The following FBXO33 variants were observed in gnomAD, a reference collection of about 807,000 sequenced individuals.
The protein encoded by FBXO33 is F-box only protein 33.
FBXO33 carries 22 observed loss-of-function variants against 46.3 expected under a neutral mutation model. The ratio of observed to expected loss-of-function variants is 0.48; its 90% CI spans 0.34 to 0.68. FBXO33 has a LOEUF of 0.68. Ranked by LOEUF, FBXO33 falls within the 30% of genes least tolerant of loss-of-function variation. The probability of loss-of-function intolerance (pLI) is 0.01; values close to 1 mark genes in which losing one functional copy is unlikely to be tolerated. For synonymous variants in FBXO33, 337 were observed against 291.3 expected (o/e 1.16, Z -1.60); for missense variants, 692 against 708.8 (o/e 0.98, Z 0.27).
In FBXO33 at chr14:39,432,235, G is replaced by A. The variant is rs1488944590; in HGVS notation, c.-73C>T. ...CCAAGTAGAACACAAGTTGTGGAGAGGGGGAAAGGCCTCTGCGGGCGTGGC... is the reference window on the plus strand; with the variant it reads ...CCAAGTAGAACACAAGTTGTGGAGAAGGGGAAAGGCCTCTGCGGGCGTGGC... On this transcript the variant is annotated 5_prime_UTR_variant, in exon 1 of 4. Transcript: ENST00000298097. 13 of 1,143,234 alleles carry A rather than the reference G, an allele frequency of 1.1e-5. No individual in the cohort carries two copies. Among genetic ancestry groups the A allele is most frequent in the African/African-American group, 1.6e-5 (1 of 61,294 alleles). The allele number at this position is 1,143,234 out of a possible 1,614,324, so 70.8% of individuals were successfully genotyped here.
At chr14:39,405,333 A>C (rs919985765) in intron 1 of FBXO33, among the ~76,000 whole-genome samples, 1 of 152,198 alleles carries the variant, frequency 6.6e-6, no homozygotes, top group African/African-American at 2.4e-5. Flanking sequence ...CTCAAGCTAC[A>C]TATCAGAGGT....
In FBXO33 at chr14:39,398,645, T is replaced by C. The variant is rs1399687584; in HGVS notation, c.*871A>G. 6.6e-6 allele frequency: 1 copy of C among 152,656 alleles called. No individual in the cohort carries two copies. The highest frequency in any genetic ancestry group is 1.9e-4 in the East Asian group (1 of 5,200). 9.5% of individuals were successfully genotyped at this position (152,656 alleles called of 1,614,324 possible). Reference sequence around the variant, plus strand: ...GCACTTCTTCATTAAGTCTATTCTTTGGCAGCTGACACGCGTGCTGACAGA... The same window carrying C: ...GCACTTCTTCATTAAGTCTATTCTTCGGCAGCTGACACGCGTGCTGACAGA... On this transcript the variant is annotated 3_prime_UTR_variant, in exon 4 of 4. Transcript: ENST00000298097.
Position 39,422,584 on chromosome 14 carries a change from ACTT to A in FBXO33, c.599+8977_599+8979del, listed in dbSNP as rs534892094. On this transcript the variant is annotated intron_variant, in intron 1 of 3. Coordinates refer to ENST00000298097, the MANE Select transcript of FBXO33 (RefSeq NM_203301.4). Reference sequence around the variant, plus strand: ...TATCACCTTCCTCCTTACCTGGCTGACTTCTTCTACATTTCATTGCTTTCCATG... The same window carrying A: ...TATCACCTTCCTCCTTACCTGGCTGACTTCTACATTTCATTGCTTTCCATG... 1.9e-4 allele frequency among the ~76,000 whole-genome samples: 29 copies of A among 152,308 alleles called. 1 individual carries two copies. In the East Asian group the frequency reaches 4.6e-3, roughly 24 times the overall value.
chr14:39,418,581 CTGGCTAACAAGG>C (rs1350709463), intron 1 of FBXO33, among the ~76,000 whole-genome samples: 1 of 150,534 alleles, frequency 6.6e-6, no homozygotes, highest in Non-Finnish European at 1.5e-5. Flanking sequence ...TGAGACCATC[CTGGCTAACAAGG>C]TGAAACCCCG....
chr14:39,406,059 TAACA>T (rs1416897793), intron 1 of FBXO33, among the ~76,000 whole-genome samples: 2 of 151,786 alleles, frequency 1.3e-5, no homozygotes, highest in African/African-American at 4.8e-5. Flanking sequence ...AATACATTAC[TAACA>T]TATATAAGTA....
chr14:39,432,151 G>A lies in FBXO33; in HGVS notation c.12C>T (p.Phe4=). The change falls in exon 1 of 4, where the codon TTC becomes TTT. Residue 4 remains phenylalanine, a synonymous_variant. Transcript: ENST00000298097. The part of the protein sequence containing the change: MLL[F]LSVPQPRPPG... The stretch of plus-strand genomic sequence containing the variant: ...GCGGTCGGGGCTGCGGCACTGACAA[G>A]AACAACAACATCAATGACTAGGAAG... The A allele has an allele frequency of 1.6e-6, 2 of 1,237,010 alleles. No homozygotes were observed. Among genetic ancestry groups the A allele is most frequent in the Non-Finnish European group, 1.0e-6 (1 of 990,102 alleles). 76.6% of individuals were successfully genotyped at this position (1,237,010 alleles called of 1,614,324 possible).
intron 1 of FBXO33, among the ~76,000 whole-genome samples, chr14:39,413,130 T>C (rs2139410089): frequency 6.6e-6 from 1 of 152,372 alleles, no homozygotes; most frequent in South Asian, 2.1e-4. Context: ...AGATTGTTTT[T>C]ACAATTGGAC....
In FBXO33 at chr14:39,431,848, C is replaced by G; in HGVS notation, c.315G>C (p.Pro105=). 1.3e-6 allele frequency: 2 copies of G among 1,598,982 alleles called. No individual in the cohort carries two copies. Among genetic ancestry groups the G allele is most frequent in the Non-Finnish European group, 1.7e-6 (2 of 1,176,196 alleles). ...AGATGCGGAGCTGGGGCCACAGGGC[C>G]GGATAGAAGAGGCACTCACGCCAGT... is the stretch of plus-strand genomic sequence containing the variant. ...CSHWRECLFY[P]ALWPQLRICL... The change falls in exon 1 of 4, where the codon CCG becomes CCC. Residue 105 remains proline, a synonymous_variant. Coordinates refer to ENST00000298097, the MANE Select transcript of FBXO33 (RefSeq NM_203301.4).
chr14:39,428,496 CT>C (rs1475190255), intron 1 of FBXO33, among the ~76,000 whole-genome samples: 4 of 152,076 alleles, frequency 2.6e-5, no homozygotes, highest in Non-Finnish European at 5.9e-5. Flanking sequence ...GCCACCACCC[CT>C]GGCCAACGAT....
At position 39,421,817 on chromosome 14, in the gene FBXO33, CAA is replaced by C. The variant is rs1491144915; in HGVS notation, c.599+9745_599+9746del. 3.3e-4 allele frequency among the ~76,000 whole-genome samples: 48 copies of C among 144,244 alleles called. No homozygotes were observed. In the East Asian group the frequency reaches 8.8e-3, roughly 27 times the overall value. The allele number at this position is 144,244 out of a possible 152,430, so 94.6% of individuals were successfully genotyped here. Reference sequence around the variant, plus strand: ...ACACACACACACACACACACACACACAAACACACGCACGAGTAAGAATAACCA... The same window carrying C: ...ACACACACACACACACACACACACACACACACGCACGAGTAAGAATAACCA... On this transcript the variant is annotated intron_variant, in intron 1 of 3. Coordinates refer to ENST00000298097, the MANE Select transcript of FBXO33 (RefSeq NM_203301.4).
chr14:39,404,806 G>A (rs1189361303), intron 1 of FBXO33, among the ~76,000 whole-genome samples: 1 of 152,102 alleles, frequency 6.6e-6, no homozygotes, highest in Non-Finnish European at 1.5e-5. Context: ...GAGGTAGACA[G>A]GGTTCTATGT....
rs1478770919 is a variant in FBXO33, at chr14:39,398,667, CAG to C, written c.*847_*848del. 1.3e-5 allele frequency: 2 copies of C among 152,580 alleles called. No homozygotes were observed. Among genetic ancestry groups the C allele is most frequent in the Non-Finnish European group, 2.9e-5 (2 of 68,018 alleles). The allele number at this position is 152,580 out of a possible 1,614,324, so 9.5% of individuals were successfully genotyped here. The stretch of plus-strand genomic sequence containing the variant: ...CTTTGGCAGCTGACACGCGTGCTGA[CAG>C]AGAAAAATCCAGTGACTTGTTGCTA... On this transcript the variant is annotated 3_prime_UTR_variant, in exon 4 of 4. Transcript: ENST00000298097.
chr14:39,400,238 C>T (rs940976730), intron 3 of FBXO33, among the ~76,000 whole-genome samples: 3 of 152,106 alleles, frequency 2.0e-5, no homozygotes, highest in Non-Finnish European at 4.4e-5. Flanking sequence ...TATGTAGTGA[C>T]ACTTTAAAGG....
chr14:39,424,525 C>T (rs984299273), intron 1 of FBXO33, among the ~76,000 whole-genome samples: 1 of 152,310 alleles, frequency 6.6e-6, no homozygotes, highest in East Asian at 1.9e-4. Context: ...TATTTAGCTA[C>T]ATCTCACACA....
chr14:39,406,612 AG>A (rs2075399902), intron 1 of FBXO33, among the ~76,000 whole-genome samples: 1 of 152,174 alleles, frequency 6.6e-6, no homozygotes, highest in Non-Finnish European at 1.5e-5. Context: ...AGGAGACAAG[AG>A]ATTTTGGGGA....
chr14:39,432,102 C>T lies in FBXO33; in HGVS notation c.61G>A (p.Ala21Thr). 1 of 1,242,674 alleles carries T rather than the reference C, an allele frequency of 8.0e-7. No homozygotes were observed. Among genetic ancestry groups the T allele is most frequent in the Non-Finnish European group, 1.0e-6 (1 of 996,462 alleles). The allele number at this position is 1,242,674 out of a possible 1,614,324, so 77.0% of individuals were successfully genotyped here. The change falls in exon 1 of 4, where the codon GCC becomes ACC. Residue 21 changes from alanine to threonine, a missense_variant. By Grantham distance (58) the Ala-to-Thr change is moderately conservative. This residue lies in a region of FBXO33 where 412 missense variants were observed against 370.8 expected (regional missense o/e 1.11). Transcript: ENST00000298097. ...RPPGARTRAG[A>T]ARVARWRRLR... ...CGCCGCCACCGCGCCACCCGGGCGG[C>T]CCCGGCTCGGGTTCGAGCTCCCGGC...
At chr14:39,418,218 C>T (rs1309476484) in intron 1 of FBXO33, among the ~76,000 whole-genome samples, 1 of 151,432 alleles carries the variant, frequency 6.6e-6, no homozygotes, top group Non-Finnish European at 1.5e-5. Context: ...TGCCTGCCAC[C>T]ACACCCGGCT....
intron 1 of FBXO33, among the ~76,000 whole-genome samples, chr14:39,415,598 G>T (rs2075444309): frequency 6.6e-6 from 1 of 152,166 alleles, no homozygotes; most frequent in South Asian, 2.1e-4. Context: ...CGTTGCTACT[G>T]ATGTTCTAAT....
intron 1 of FBXO33, among the ~76,000 whole-genome samples, chr14:39,415,689 C>CA (rs1181096856): frequency 2.0e-5 from 3 of 152,124 alleles, no homozygotes; most frequent in African/African-American, 2.4e-5. Context: ...TTTTTTGAGA[C>CA]AGAGTCTTGC....
Sources: allele counts gnomAD v4.1 joint callset (sites outside exome capture counted in the v4.1 genomes callset), GRCh38; gene constraint gnomAD v4.1.1; regional missense constraint gnomAD v4.1.1; transcripts MANE v1.5; gene names NCBI Gene and HGNC (gene_info 2026-07-23, HGNC 2026-07-21).